Variants in ADGRB3 observed in about 807,000 individuals in gnomAD.
ADGRB3 encodes brain-specific angiogenesis inhibitor 3.
A neutral mutation model predicts 193.4 loss-of-function variants in ADGRB3; 37 were observed. The observed-to-expected ratio is 0.19, with a 90% CI of 0.15 to 0.25. The LOEUF (loss-of-function observed/expected upper bound fraction) is 0.25, where lower values mean the gene tolerates loss of function less well. Among genes scored for constraint, ADGRB3 ranks in the 10% least tolerant of loss-of-function variants. ADGRB3 has a pLI of 1.00. For synonymous variants in ADGRB3, 690 were observed against 644.2 expected, an observed-to-expected ratio of 1.07 and a Z score of -1.08; for missense variants, 1,637 against 1,852.9, an observed-to-expected ratio of 0.88 and a Z score of 2.14.
At chr6:69,190,923 A>T (rs1330715384) in intron 17 of ADGRB3, among the ~76,000 whole-genome samples, 2 of 147,576 alleles carry the variant, frequency 1.4e-5, no homozygotes, top group Admixed American at 1.4e-4. Context: ...TGTACCATAT[A>T]GGTGTGTAGT....
At chr6:69,290,613 T>A (rs6919623) in intron 20 of ADGRB3, among the ~76,000 whole-genome samples, 20,697 of 152,156 alleles carry the variant, frequency 0.14, 1,774 homozygotes, top group African/African-American at 0.23. Flanking sequence ...GAATGTGTGA[T>A]TTTACATACT....
intron 17 of ADGRB3, among the ~76,000 whole-genome samples, chr6:69,174,274 T>A (rs1319355332): frequency 6.6e-6 from 1 of 152,134 alleles, no homozygotes; most frequent in African/African-American, 2.4e-5. Context: ...CCTCTAGTAG[T>A]CCCCATTGTC....
intron 17 of ADGRB3, among the ~76,000 whole-genome samples, chr6:69,146,821 C>CTTTTTTTTTT (rs756561473): frequency 2.7e-3 from 282 of 103,044 alleles, no homozygotes; most frequent in Middle Eastern, 7.0e-3. Flanking sequence ...CTCATTACTT[C>CTTTTTTTTTT]TTTTTTTTTT....
chr6:69,021,019 G>A (rs1166974388), intron 13 of ADGRB3, among the ~76,000 whole-genome samples: 2 of 151,902 alleles, frequency 1.3e-5, no homozygotes, highest in African/African-American at 4.8e-5. Context: ...ATAGTAGAAA[G>A]TTGTGAAACA....
At position 68,915,170 on chromosome 6, in the gene ADGRB3, G is replaced by A. The variant is rs191455756; in HGVS notation, c.758-15389G>A. Among the ~76,000 whole-genome samples the A allele has an allele frequency of 7.9e-5, 12 of 152,220 alleles. No homozygotes were observed. The Middle Eastern group carries it at 0.01, about 129-fold the overall frequency. On this transcript the variant is annotated intron_variant, in intron 3 of 31. Coordinates refer to ENST00000370598, the MANE Select transcript of ADGRB3 (RefSeq NM_001704.3). ...AGCATGACTTGGCCATCAATTTGAC[G>A]CAATTTTTTTTGAGTCCCAGATCCA...
intron 3 of ADGRB3, among the ~76,000 whole-genome samples, chr6:68,666,995 T>G (rs968291637): frequency 2.6e-5 from 4 of 151,782 alleles, no homozygotes; most frequent in Admixed American, 1.3e-4. Context: ...TAATACTACT[T>G]GGAAAATTGT....
At chr6:69,168,760 C>A (rs118059205) in intron 17 of ADGRB3, among the ~76,000 whole-genome samples, 2 of 152,148 alleles carry the variant, frequency 1.3e-5, no homozygotes, top group Non-Finnish European at 2.9e-5. Flanking sequence ...TAGAATTACT[C>A]ATATCATACC....
intron 6 of ADGRB3, 77 bp from the exon 7 acceptor site, chr6:68,955,947 G>C: frequency 6.8e-7 from 1 of 1,463,448 alleles, no homozygotes; most frequent in Admixed American, 2.0e-5. Flanking sequence ...CTTCAAGGGT[G>C]GTTTTACCAG....
At chr6:69,134,065 T>C (rs1041748770) in intron 17 of ADGRB3, among the ~76,000 whole-genome samples, 3 of 152,118 alleles carry the variant, frequency 2.0e-5, no homozygotes, top group South Asian at 2.1e-4. Context: ...ATATACCTCA[T>C]TTTCTTTATC....
chr6:69,098,638 C>T (rs942947019), intron 17 of ADGRB3, among the ~76,000 whole-genome samples: 8 of 152,136 alleles, frequency 5.3e-5, no homozygotes, highest in African/African-American at 1.7e-4. Flanking sequence ...GGAGAAATAA[C>T]ACCCCATGAT....
chr6:69,115,138 A>G (rs1230927790), intron 17 of ADGRB3, among the ~76,000 whole-genome samples: 1 of 152,224 alleles, frequency 6.6e-6, no homozygotes, highest in African/African-American at 2.4e-5. Flanking sequence ...ATAAAGACAC[A>G]TGCACATGTA....
At chr6:68,953,027 A>G (rs1205254868) in intron 6 of ADGRB3, among the ~76,000 whole-genome samples, 1 of 152,140 alleles carries the variant, frequency 6.6e-6, no homozygotes, top group Admixed American at 6.5e-5. Context: ...GAGGAGCAAA[A>G]CACTTCACAA....
chr6:68,879,213 CTTTTTTTTTTT>C (rs529789046), intron 3 of ADGRB3, among the ~76,000 whole-genome samples: 1 of 91,908 alleles, frequency 1.1e-5, no homozygotes, highest in Non-Finnish European at 2.0e-5. Flanking sequence ...CTTTTTGTCG[CTTTTTTTTTTT>C]TTTTTTTTTT....
At chr6:69,282,544 A>T (rs576832249) in intron 20 of ADGRB3, among the ~76,000 whole-genome samples, 2 of 152,200 alleles carry the variant, frequency 1.3e-5, no homozygotes, top group Non-Finnish European at 2.9e-5. Flanking sequence ...TTCATAAAGT[A>T]CTTATAGGAC....
intron 3 of ADGRB3, among the ~76,000 whole-genome samples, chr6:68,833,949 T>C (rs899899473): frequency 2.2e-5 from 3 of 134,400 alleles, no homozygotes; most frequent in African/African-American, 9.3e-5. Flanking sequence ...GTAAACTCTA[T>C]ACAGGAAGGT....
At chr6:68,803,924 C>G (rs1188104536) in intron 3 of ADGRB3, among the ~76,000 whole-genome samples, 1 of 152,152 alleles carries the variant, frequency 6.6e-6, no homozygotes, top group Non-Finnish European at 1.5e-5. Context: ...TCACTTTTAT[C>G]CAACATTCAA....
intron 8 of ADGRB3, among the ~76,000 whole-genome samples, chr6:68,967,879 T>G (rs1768430284): frequency 6.6e-6 from 1 of 151,600 alleles, no homozygotes; most frequent in African/African-American, 2.4e-5. Flanking sequence ...ACATGAGTCA[T>G]GCAGACATGT....
At chr6:68,642,372 G>C (rs1223462004) in intron 3 of ADGRB3, among the ~76,000 whole-genome samples, 1 of 152,054 alleles carries the variant, frequency 6.6e-6, no homozygotes, top group Non-Finnish European at 1.5e-5. Context: ...ATTTAGTATT[G>C]AAAAACAATA....
chr6:69,033,575 A>G (rs938315406), intron 13 of ADGRB3, among the ~76,000 whole-genome samples: 2 of 152,176 alleles, frequency 1.3e-5, no homozygotes, highest in African/African-American at 4.8e-5. Flanking sequence ...CTTTAGAAAT[A>G]TAAATAATTT....
Sources: gnomAD v4.1 joint callset for allele counts (sites outside exome capture counted in the v4.1 genomes callset) on GRCh38, gnomAD v4.1.1 for gene constraint, MANE v1.5 for transcripts, NCBI Gene and HGNC (gene_info 2026-07-23, HGNC 2026-07-21) for gene names.